The following PCDHGB1 variants were observed in gnomAD, a reference collection of about 807,000 sequenced individuals.
PCDHGB1 encodes the protein protocadherin gamma subfamily B, 1.
In PCDHGB1, 34 loss-of-function variants were observed where a neutral mutation model predicts 56.6. The ratio of observed to expected loss-of-function variants is 0.60; its 90% CI spans 0.46 to 0.80. The LOEUF (loss-of-function observed/expected upper bound fraction) is 0.80, where lower values mean the gene tolerates loss of function less well. Among genes scored for constraint, PCDHGB1 ranks in the 30% least tolerant of loss-of-function variants. The pLI is 0.00. For synonymous variants in PCDHGB1, 561 were observed against 505.9 expected (o/e 1.11, Z -1.46); for missense variants, 1,278 against 1,204.6 (o/e 1.06, Z -0.90).
intron 1 of PCDHGB1, among the ~76,000 whole-genome samples, chr5:141,444,150 GGATT>G (rs2098419499): frequency 1.8e-5 from 2 of 114,014 alleles, no homozygotes; most frequent in Non-Finnish European, 1.7e-5. Flanking sequence ...TGTGTGTACT[GGATT>G]TTTTTTTTTT....
rs757333940 is a variant in PCDHGB1, at chr5:141,404,777, T to A, written c.2409+52108T>A. The A allele has an allele frequency of 7.4e-6, 12 of 1,613,404 alleles. 1 individual carries two copies. In the South Asian group the frequency reaches 1.3e-4, roughly 18 times the overall value. ...GAATGCTTGGCTCTCCTACCGCCTA[T>A]TCAAGGCCAGTGAGCCAGGGCTCTT... On this transcript the variant is annotated intron_variant, in intron 1 of 3. Transcript: ENST00000523390.
At chr5:141,408,205 G>A (rs1222360149) in intron 1 of PCDHGB1, 2 of 1,551,762 alleles carry the variant, frequency 1.3e-6, no homozygotes, top group Non-Finnish European at 1.7e-6. Context: ...AGCGAACGAT[G>A]GGAGGGAGCT....
chr5:141,439,673 C>G (rs1468476569), intron 1 of PCDHGB1, among the ~76,000 whole-genome samples: 1 of 152,174 alleles, frequency 6.6e-6, no homozygotes, highest in Non-Finnish European at 1.5e-5. Flanking sequence ...AATGCAAATC[C>G]AAGAGCAGAC....
chr5:141,490,984 T>TCTG lies in PCDHGB1; in HGVS notation c.2410-3820_2410-3818dup. On this transcript the variant is annotated intron_variant, in intron 1 of 3. Transcript: ENST00000523390. The surrounding 1 kb of genome is among the most constrained non-coding windows in gnomAD (Gnocchi z 5.4). ...CTCAGCCCCCCAGCGTCTCCCTCGCTCTGCTCCTCCTGGCTCCTTGGTCAC... is the reference window on the plus strand; with the variant it reads ...CTCAGCCCCCCAGCGTCTCCCTCGCTCTGCTGCTCCTCCTGGCTCCTTGGTCAC... The TCTG allele has an allele frequency of 1.2e-6, 2 of 1,614,110 alleles. No homozygotes were observed. Among genetic ancestry groups the TCTG allele is most frequent in the Non-Finnish European group, 1.7e-6 (2 of 1,180,028 alleles).
rs997161714 is a variant in PCDHGB1 at position 141,350,183 on chromosome 5, A to C, written c.-78A>C. 2.2e-6 allele frequency: 3 copies of C among 1,343,602 alleles called. No homozygotes were observed. The highest frequency in any genetic ancestry group is 3.0e-6 in the Non-Finnish European group (3 of 1,010,134). The allele number at this position is 1,343,602 out of a possible 1,614,324, so 83.2% of individuals were successfully genotyped here. On this transcript the variant is annotated 5_prime_UTR_variant, in exon 1 of 4. Coordinates refer to ENST00000523390, the MANE Select transcript of PCDHGB1 (RefSeq NM_018922.3). ...CCTAACTAATAAGTCCTAAGCTCAA[A>C]TCACAGAAGTCCAGGGTGCTGCCAT... is the stretch of plus-strand genomic sequence containing the variant.
chr5:141,427,193 CTT>C (rs2096998045), intron 1 of PCDHGB1: 3 of 456,614 alleles, frequency 6.6e-6, no homozygotes, highest in Non-Finnish European at 8.8e-6. Context: ...AATCCAAAGA[CTT>C]AATAGACTTC....
At chr5:141,395,535 C>T in intron 1 of PCDHGB1, 1 of 331,902 alleles carries the variant, frequency 3.0e-6, no homozygotes, top group Non-Finnish European at 5.4e-6. Flanking sequence ...GGTAATTTTG[C>T]TATTGTTTGT....
chr5:141,394,397 G>A, intron 1 of PCDHGB1: 1 of 1,614,212 alleles, frequency 6.2e-7, no homozygotes, highest in Non-Finnish European at 8.5e-7. Flanking sequence ...TCCGAGACCT[G>A]CAGCTACTGG....
At position 141,476,242 on chromosome 5, in the gene PCDHGB1, G is replaced by A. The variant is rs369923405; in HGVS notation, c.2410-18565G>A. The A allele has an allele frequency of 6.2e-6, 10 of 1,614,100 alleles. No individual in the cohort carries two copies. The highest frequency in any genetic ancestry group is 8.5e-6 in the Non-Finnish European group (10 of 1,180,026). The stretch of plus-strand genomic sequence containing the variant: ...ACTATGAGATCCCGGAGGAAAGAGA[G>A]AAGGGTTTCGCTGTGGGCAACGTGG... On this transcript the variant is annotated intron_variant, in intron 1 of 3. Transcript: ENST00000523390. This position sits in a 1 kb window ranked among gnomAD's most constrained non-coding sequence, Gnocchi z 7.6.
Position 141,511,040 on chromosome 5 carries a change from C to T in PCDHGB1, c.2651C>T (p.Pro884Leu), listed in dbSNP as rs770767470. The T allele has an allele frequency of 6.2e-7, 1 of 1,614,216 alleles. No individual in the cohort carries two copies. The highest frequency in any genetic ancestry group is 1.7e-5 in the Admixed American group (1 of 60,034). Reference protein sequence around the residue: ...YGPQFTLQHVPDYRQNVYIPG... With the variant: ...YGPQFTLQHVLDYRQNVYIPG... ...CCCCAGTTCACCCTGCAGCACGTGC[C>T]CGACTACCGCCAGAATGTCTACATC... Residue 884 changes from proline (P) to leucine (L), a missense_variant, in exon 4 of 4, where the codon CCC becomes CTC. Physicochemically the swap from Pro to Leu is moderately conservative, Grantham distance 98. Transcript: ENST00000523390.
At chr5:141,418,130 G>A in intron 1 of PCDHGB1, 3 of 1,614,106 alleles carry the variant, frequency 1.9e-6, no homozygotes, top group Non-Finnish European at 2.5e-6. Flanking sequence ...GGACCGAATA[G>A]ACCGTGAGCA....
intron 1 of PCDHGB1, among the ~76,000 whole-genome samples, chr5:141,407,497 G>GTTTTTTTTTTTTTT (rs1554102286): frequency 6.6e-6 from 1 of 152,090 alleles, no homozygotes; most frequent in African/African-American, 2.4e-5. Context: ...CTTTATTTCT[G>GTTTTTTTTTTTTTT]TTTTTCTTAG....
chr5:141,372,118 T>C (rs937548053), intron 1 of PCDHGB1: 3 of 1,613,628 alleles, frequency 1.9e-6, no homozygotes, highest in Non-Finnish European at 2.5e-6. Context: ...TCTGCGCTCT[T>C]CGATATGGTG....
chr5:141,450,555 C>T (rs958577638), intron 1 of PCDHGB1, among the ~76,000 whole-genome samples: 4 of 151,710 alleles, frequency 2.6e-5, no homozygotes, highest in East Asian at 1.9e-4. Flanking sequence ...GGCGCAGTCT[C>T]GGCTCACTGC....
intron 1 of PCDHGB1, chr5:141,373,837 A>C (rs1457844906): frequency 9.4e-6 from 4 of 427,674 alleles, no homozygotes; most frequent in East Asian, 3.5e-5. Flanking sequence ...GTATTAAGTT[A>C]GGACTCTAAG....
Position 141,511,409 on chromosome 5 carries a change from G to C in PCDHGB1, c.*236G>C, listed in dbSNP as rs999907393. On this transcript the variant is annotated 3_prime_UTR_variant, in exon 4 of 4. Coordinates refer to ENST00000523390, the MANE Select transcript of PCDHGB1 (RefSeq NM_018922.3). Reference sequence around the variant, plus strand: ...GGGAACCCCCATCCAATCAACTGCTGTACCCATGGGGGTAGTGGGGTTACT... The same window carrying C: ...GGGAACCCCCATCCAATCAACTGCTCTACCCATGGGGGTAGTGGGGTTACT... The C allele has an allele frequency of 1.1e-6, 1 of 908,516 alleles. No homozygotes were observed. The highest frequency in any genetic ancestry group is 1.7e-5 in the African/African-American group (1 of 59,504). The allele number at this position is 908,516 out of a possible 1,614,324, so 56.3% of individuals were successfully genotyped here.
rs1248847691 is a variant in PCDHGB1 at position 141,350,281 on chromosome 5, C to T, written c.21C>T (p.Ala7=). Residue 7 remains alanine (A), a synonymous_variant, in exon 1 of 4, where the codon GCC becomes GCT. Transcript: ENST00000523390. ...CTGAAATGCAGAGAGCCAGAGAAGC[C>T]GAAATGATGAAAAGTCAGGTACTGT... is the stretch of plus-strand genomic sequence containing the variant. MQRARE[A]EMMKSQVLFP... 2 of 1,511,576 alleles carry T rather than the reference C, an allele frequency of 1.3e-6. No homozygotes were observed. The highest frequency in any genetic ancestry group is 1.4e-5 in the African/African-American group (1 of 71,714). 93.6% of individuals were successfully genotyped at this position (1,511,576 alleles called of 1,614,324 possible). A position where few individuals can be genotyped will look rare whatever the true frequency, so the allele number is the denominator to read the frequency against.
chr5:141,386,463 C>T (rs2090584678), intron 1 of PCDHGB1, among the ~76,000 whole-genome samples: 1 of 152,034 alleles, frequency 6.6e-6, no homozygotes, highest in Admixed American at 6.6e-5. Context: ...ACAGCTTGAA[C>T]CCAAGAATTG....
chr5:141,421,578 T>G, intron 1 of PCDHGB1: 1 of 1,613,886 alleles, frequency 6.2e-7, no homozygotes, highest in Non-Finnish European at 8.5e-7. Flanking sequence ...CCTTGAAGAT[T>G]TACGGAGTGG....
Sources: gnomAD v4.1 joint callset for allele counts (sites outside exome capture counted in the v4.1 genomes callset) on GRCh38, gnomAD v4.1.1 for gene constraint, Gnocchi (gnomAD v3.1) non-coding constraint, MANE v1.5 for transcripts, NCBI Gene and HGNC (gene_info 2026-07-23, HGNC 2026-07-21) for gene names.